The following CDH12 variants were observed in gnomAD, a reference collection of about 807,000 sequenced individuals.
CDH12 encodes cadherin 12.
CDH12 carries 41 observed loss-of-function variants against 74.1 expected under a neutral mutation model. That is an observed-to-expected ratio of 0.55 (90% CI 0.43 to 0.72). The LOEUF is 0.72. CDH12 is among the 30% of genes least tolerant of loss of function. The pLI, the probability that CDH12 is intolerant of heterozygous loss-of-function variation, is 0.00. For missense variants in CDH12, 945 were observed against 977.2 expected, an observed-to-expected ratio of 0.97 and a Z score of 0.44; for synonymous variants, 399 against 355.0, an observed-to-expected ratio of 1.12 and a Z score of -1.39.
At chr5:22,764,276 T>A (rs1746385082) in intron 1 of CDH12, among the ~76,000 whole-genome samples, 2 of 151,964 alleles carry the variant, frequency 1.3e-5, no homozygotes, top group Non-Finnish European at 2.9e-5. Context: ...GTATTTCTAA[T>A]GTTTTAGTTA....
intron 3 of CDH12, among the ~76,000 whole-genome samples, chr5:22,227,210 T>G (rs1192260015): frequency 6.6e-6 from 1 of 152,006 alleles, no homozygotes; most frequent in Admixed American, 6.6e-5. Flanking sequence ...TGTCCAGAAG[T>G]CTGGGTGCTC....
At chr5:22,285,986 T>C (rs939291589) in intron 3 of CDH12, among the ~76,000 whole-genome samples, 14 of 152,162 alleles carry the variant, frequency 9.2e-5, no homozygotes, top group Admixed American at 5.9e-4. Context: ...TAATTTATCT[T>C]TATAATTATT....
At chr5:22,381,433 A>G (rs749716011) in intron 3 of CDH12, among the ~76,000 whole-genome samples, 12 of 152,196 alleles carry the variant, frequency 7.9e-5, no homozygotes, top group East Asian at 3.9e-4. Context: ...TTCTATTTCA[A>G]TCTTCGGGTT....
chr5:21,812,578 ATTG>A (rs977686621), intron 9 of CDH12, among the ~76,000 whole-genome samples: 146 of 152,254 alleles, frequency 9.6e-4, no homozygotes, highest in African/African-American at 3.3e-3. Flanking sequence ...TACTTAAAAA[ATTG>A]TTGTAGTGTT....
Position 22,609,368 on chromosome 5 carries a change from T to G in CDH12, c.-522-104004A>C, listed in dbSNP as rs146560568. On this transcript the variant is annotated intron_variant, in intron 1 of 14. Coordinates refer to ENST00000382254, the MANE Select transcript of CDH12 (RefSeq NM_004061.5). Reference sequence around the variant, plus strand: ...ATATATGTTCTCTCTTTGTATTCTTTCAGCACTCATCACACACTTACAACA... The same window carrying G: ...ATATATGTTCTCTCTTTGTATTCTTGCAGCACTCATCACACACTTACAACA... Among the ~76,000 whole-genome samples, 550 of 152,350 alleles carry G rather than the reference T, an allele frequency of 3.6e-3. 1 individual carries two copies. Among genetic ancestry groups the G allele is most frequent in the African/African-American group, 0.01 (423 of 41,584 alleles).
At chr5:22,275,346 G>GA (rs1474211666) in intron 3 of CDH12, among the ~76,000 whole-genome samples, 2 of 151,630 alleles carry the variant, frequency 1.3e-5, no homozygotes, top group Admixed American at 6.6e-5. Context: ...GAAAAAAAAA[G>GA]AAAAATTTGT....
At chr5:22,314,116 G>T (rs746248343) in intron 3 of CDH12, among the ~76,000 whole-genome samples, 24 of 152,094 alleles carry the variant, frequency 1.6e-4, no homozygotes, top group Admixed American at 3.3e-4. Flanking sequence ...TTCCATTTGG[G>T]GCATATGGAG....
intron 1 of CDH12, among the ~76,000 whole-genome samples, chr5:22,835,940 GGCCA>G (rs918430296): frequency 6.6e-6 from 1 of 152,092 alleles, no homozygotes; most frequent in African/African-American, 2.4e-5. Context: ...CTAAGTTAGA[GGCCA>G]GCTAATTTCA....
At chr5:22,050,294 T>C (rs562341527) in intron 5 of CDH12, among the ~76,000 whole-genome samples, 11 of 152,256 alleles carry the variant, frequency 7.2e-5, no homozygotes, top group Admixed American at 4.6e-4. Flanking sequence ...CAGTGCTGTA[T>C]TGGAATTATC....
chr5:21,934,123 C>T (rs957539280), intron 6 of CDH12, among the ~76,000 whole-genome samples: 3 of 152,136 alleles, frequency 2.0e-5, no homozygotes, highest in Admixed American at 6.5e-5. Flanking sequence ...CCCACACACA[C>T]ACACTCACAC....
intron 3 of CDH12, among the ~76,000 whole-genome samples, chr5:22,250,202 T>TAC (rs1427331704): frequency 6.6e-6 from 1 of 151,768 alleles, no homozygotes; most frequent in Non-Finnish European, 1.5e-5. Flanking sequence ...TATATATATA[T>TAC]ATAGTCTACT....
intron 6 of CDH12, among the ~76,000 whole-genome samples, chr5:21,921,735 A>C (rs1579964893): frequency 6.6e-6 from 1 of 152,300 alleles, no homozygotes; most frequent in East Asian, 1.9e-4. Context: ...TATGAACTGA[A>C]GTTCTGTCTA....
chr5:22,043,642 A>G (rs913445871), intron 5 of CDH12, among the ~76,000 whole-genome samples: 8 of 152,102 alleles, frequency 5.3e-5, no homozygotes, highest in African/African-American at 1.9e-4. Flanking sequence ...GGAAAGCAGA[A>G]CATTCACTGT....
intron 4 of CDH12, among the ~76,000 whole-genome samples, chr5:22,179,038 G>A (rs1749492867): frequency 6.6e-6 from 1 of 152,174 alleles, no homozygotes; most frequent in Non-Finnish European, 1.5e-5. Context: ...TGGAATACAA[G>A]GGTGATAATC....
chr5:22,351,030 G>A (rs17265218), intron 3 of CDH12, among the ~76,000 whole-genome samples: 19,883 of 152,016 alleles, frequency 0.13, 1,694 homozygotes, highest in Non-Finnish European at 0.19. Context: ...GAATTCAGGC[G>A]GAGTCAAGCC....
intron 3 of CDH12, among the ~76,000 whole-genome samples, chr5:22,244,773 AAAGAAAG>A (rs1221041758): frequency 1.6e-5 from 2 of 123,848 alleles, no homozygotes; most frequent in African/African-American, 5.9e-5. Context: ...AGAAAGAAAG[AAAGAAAG>A]AAAGAAAGAA....
At chr5:22,813,813 T>G (rs554941697) in intron 1 of CDH12, among the ~76,000 whole-genome samples, 1 of 152,136 alleles carries the variant, frequency 6.6e-6, no homozygotes, top group Admixed American at 6.5e-5. Flanking sequence ...AATTGGAATC[T>G]TCCCTGGTCG....
At chr5:21,823,098 A>C (rs1748462776) in intron 8 of CDH12, among the ~76,000 whole-genome samples, 1 of 152,148 alleles carries the variant, frequency 6.6e-6, no homozygotes, top group East Asian at 1.9e-4. Context: ...ACACATAAAC[A>C]AAAAGACAAG....
In CDH12 at chr5:22,781,440, T is replaced by A. The variant is rs571984535; in HGVS notation, c.-523+71618A>T. Among the ~76,000 whole-genome samples the A allele has an allele frequency of 3.3e-5, 5 of 152,264 alleles. No homozygotes were observed. In the East Asian group the frequency reaches 9.7e-4, roughly 29 times the overall value. On this transcript the variant is annotated intron_variant, in intron 1 of 14. Transcript: ENST00000382254. ...GATGCCCCTTTTCTTCTTCTTTCTG[T>A]CTATTTCATTTCTTTGGCTCTGCAG...
Sources: allele counts gnomAD v4.1 joint callset (sites outside exome capture counted in the v4.1 genomes callset), GRCh38; gene constraint gnomAD v4.1.1; transcripts MANE v1.5; gene names NCBI Gene and HGNC (gene_info 2026-07-23, HGNC 2026-07-21).